Variants in CDH12 observed in about 807,000 individuals in gnomAD.
CDH12 encodes the protein cadherin-12.
Under a neutral mutation model 74.1 loss-of-function variants are expected in CDH12, and 41 were observed. The ratio of observed to expected loss-of-function variants is 0.55; its 90% CI spans 0.43 to 0.72. The LOEUF is 0.72. CDH12 is among the 30% of genes least tolerant of loss of function. The pLI, the probability that CDH12 is intolerant of heterozygous loss-of-function variation, is 0.00. For synonymous variants in CDH12, 399 were observed against 355.0 expected (o/e 1.12, Z -1.39); for missense variants, 945 against 977.2 (o/e 0.97, Z 0.44).
chr5:22,615,483 T>C (rs1268111834), intron 1 of CDH12, among the ~76,000 whole-genome samples: 1 of 152,026 alleles, frequency 6.6e-6, no homozygotes, highest in Non-Finnish European at 1.5e-5. Flanking sequence ...GAAAAGCAAG[T>C]TTTACAGTTC....
intron 3 of CDH12, among the ~76,000 whole-genome samples, chr5:22,336,310 C>T (rs1161005373): frequency 6.6e-6 from 1 of 151,998 alleles, no homozygotes; most frequent in African/African-American, 2.4e-5. Context: ...AAAGAAAATC[C>T]CATTATCTGA....
At chr5:22,019,614 A>G (rs1737835652) in intron 5 of CDH12, among the ~76,000 whole-genome samples, 1 of 152,184 alleles carries the variant, frequency 6.6e-6, no homozygotes, top group South Asian at 2.1e-4. Flanking sequence ...GCAGGCCAGG[A>G]AAAGGGCCCT....
At chr5:21,881,289 G>A (rs994141017) in intron 6 of CDH12, among the ~76,000 whole-genome samples, 1 of 152,144 alleles carries the variant, frequency 6.6e-6, no homozygotes. Context: ...ATTACAATGT[G>A]TCAAACATTG....
intron 1 of CDH12, among the ~76,000 whole-genome samples, chr5:22,518,877 C>T (rs1279475277): frequency 2.0e-5 from 3 of 152,024 alleles, no homozygotes; most frequent in African/African-American, 7.2e-5. Flanking sequence ...TTGGTAGGGC[C>T]CGTTGGTATT....
intron 4 of CDH12, among the ~76,000 whole-genome samples, chr5:22,079,965 G>A (rs1473932972): frequency 6.6e-6 from 1 of 151,672 alleles, no homozygotes; most frequent in East Asian, 1.9e-4. Flanking sequence ...TGTTGTAGGT[G>A]ATAATTGCAC....
At chr5:22,121,493 T>TA (rs1745508656) in intron 4 of CDH12, among the ~76,000 whole-genome samples, 1 of 152,204 alleles carries the variant, frequency 6.6e-6, no homozygotes, top group South Asian at 2.1e-4. Context: ...GAGAAAGTCT[T>TA]ACGTCTGATT....
chr5:22,449,132 G>A (rs1744945651), intron 2 of CDH12, among the ~76,000 whole-genome samples: 1 of 151,972 alleles, frequency 6.6e-6, no homozygotes, highest in African/African-American at 2.4e-5. Flanking sequence ...GTTATGAGAT[G>A]AACCTTTTAC....
intron 5 of CDH12, among the ~76,000 whole-genome samples, chr5:22,072,811 T>G (rs1462024502): frequency 1.3e-5 from 2 of 151,860 alleles, no homozygotes; most frequent in Non-Finnish European, 2.9e-5. Flanking sequence ...ACACTTTAGT[T>G]TAATAGAGTA....
intron 3 of CDH12, among the ~76,000 whole-genome samples, chr5:22,394,596 C>A (rs1282878593): frequency 6.6e-6 from 1 of 152,134 alleles, no homozygotes; most frequent in Non-Finnish European, 1.5e-5. Flanking sequence ...AGATTAATTA[C>A]TCTGAGACCC....
chr5:22,057,719 C>G (rs1350346443), intron 5 of CDH12, among the ~76,000 whole-genome samples: 1 of 152,038 alleles, frequency 6.6e-6, no homozygotes, highest in Non-Finnish European at 1.5e-5. Flanking sequence ...ACTTGAAAAC[C>G]CACGAAAGTC....
intron 1 of CDH12, among the ~76,000 whole-genome samples, chr5:22,631,955 C>G (rs1340666757): frequency 2.0e-5 from 3 of 152,070 alleles, no homozygotes; most frequent in Admixed American, 2.0e-4. Context: ...TCCCACCAGG[C>G]CCTACCTGCA....
At chr5:22,130,787 T>C (rs1746137011) in intron 4 of CDH12, among the ~76,000 whole-genome samples, 1 of 152,108 alleles carries the variant, frequency 6.6e-6, no homozygotes, top group South Asian at 2.1e-4. Context: ...TATTGACAAT[T>C]GTATATCCCC....
chr5:21,980,360 A>T (rs1435217177), intron 5 of CDH12, among the ~76,000 whole-genome samples: 1 of 152,066 alleles, frequency 6.6e-6, no homozygotes, highest in Non-Finnish European at 1.5e-5. Flanking sequence ...GCTCTTATGG[A>T]GGTAATGAGG....
chr5:22,254,242 A>G (rs2150389387), intron 3 of CDH12, among the ~76,000 whole-genome samples: 1 of 152,094 alleles, frequency 6.6e-6, no homozygotes, highest in East Asian at 1.9e-4. Context: ...ATGAAGGTAC[A>G]GAATAAAAAA....
intron 1 of CDH12, among the ~76,000 whole-genome samples, chr5:22,807,815 A>AGTTCC (rs201463451): frequency 0.02 from 3,105 of 152,286 alleles, 97 homozygotes; most frequent in African/African-American, 0.07. Context: ...TGGAGCTTGC[A>AGTTCC]GTTCCTGAAG....
intron 3 of CDH12, among the ~76,000 whole-genome samples, chr5:22,401,204 T>C (rs1236016809): frequency 6.6e-6 from 1 of 152,148 alleles, no homozygotes; most frequent in Non-Finnish European, 1.5e-5. Context: ...ACAAAACATG[T>C]ACGAAATAGC....
chr5:21,918,239 C>T (rs1401849247), intron 6 of CDH12, among the ~76,000 whole-genome samples: 2 of 152,192 alleles, frequency 1.3e-5, no homozygotes, highest in South Asian at 2.1e-4. Flanking sequence ...CACTGAAAAT[C>T]CAGTTTATTT....
chr5:22,459,091 T>G (rs920587710), intron 2 of CDH12, among the ~76,000 whole-genome samples: 1 of 152,098 alleles, frequency 6.6e-6, no homozygotes. Context: ...GTTCCAGGTG[T>G]CTCTCTAAGA....
chr5:22,707,621 G>A (rs763868700), intron 1 of CDH12, among the ~76,000 whole-genome samples: 7 of 152,032 alleles, frequency 4.6e-5, no homozygotes, highest in African/African-American at 7.2e-5. Context: ...GATTTGGTGA[G>A]GAAATACATA....
Sources: gnomAD v4.1 joint callset for allele counts (sites outside exome capture counted in the v4.1 genomes callset) on GRCh38, gnomAD v4.1.1 for gene constraint, MANE v1.5 for transcripts, NCBI Gene and HGNC (gene_info 2026-07-23, HGNC 2026-07-21) for gene names.